The following IP6K3 variants were observed in gnomAD, a reference collection of about 807,000 sequenced individuals.
IP6K3 encodes the protein ATP:1D-myo-inositol-hexakisphosphate phosphotransferase.
A neutral mutation model predicts 28.8 loss-of-function variants in IP6K3; 20 were observed. The observed-to-expected ratio is 0.70, with a 90% confidence interval of 0.49 to 1.01. The LOEUF (loss-of-function observed/expected upper bound fraction) is 1.01. Ranked by LOEUF, IP6K3 falls within the 50% of genes least tolerant of loss-of-function variation. IP6K3 has a pLI of 0.00. For missense variants in IP6K3, 480 were observed against 537.1 expected (o/e 0.89, Z 1.05); for synonymous variants, 213 against 221.3 (o/e 0.96, Z 0.33).
At position 33,744,152 on chromosome 6, in the gene IP6K3, T is replaced by G. The variant is rs1766825624; in HGVS notation, c.-180+2606A>C. On this transcript the variant is annotated intron_variant, in intron 1 of 5. Transcript: ENST00000293756. This position sits in a 1 kb window ranked among gnomAD's most constrained non-coding sequence, Gnocchi z 4.4. ...TCCTGACCCCTGGACACGCAGCTCC[T>G]CAGCCATGGTTAGCAACTGCTTTGA... Among the ~76,000 whole-genome samples, 1 of 152,204 alleles carries G rather than the reference T, an allele frequency of 6.6e-6. No homozygotes were observed. The highest frequency in any genetic ancestry group is 6.5e-5 in the Admixed American group (1 of 15,282).
At chr6:33,731,813 G>A (rs186792750) in intron 2 of IP6K3, among the ~76,000 whole-genome samples, 3 of 152,054 alleles carry the variant, frequency 2.0e-5, no homozygotes, top group South Asian at 4.2e-4. Context: ...GTGTGTCTGT[G>A]GGGACAAGGC....
intron 5 of IP6K3, among the ~76,000 whole-genome samples, chr6:33,725,057 A>G (rs953273302): frequency 6.6e-6 from 1 of 151,988 alleles, no homozygotes; most frequent in Admixed American, 6.6e-5. Flanking sequence ...GTGAAACCCC[A>G]TCTCTACTGA....
At chr6:33,737,326 G>C (rs763934512) in intron 1 of IP6K3, among the ~76,000 whole-genome samples, 1 of 152,034 alleles carries the variant, frequency 6.6e-6, no homozygotes, top group Non-Finnish European at 1.5e-5. Flanking sequence ...GCGGTGCCCT[G>C]AGAGCACATT....
At chr6:33,753,840 G>A in the IP6K3 span, among the ~76,000 whole-genome samples, 20 of 151,946 alleles carry the variant, frequency 1.3e-4, no homozygotes, top group South Asian at 4.2e-4. Context: ...ACAGAGTCTC[G>A]CTGTGTCGTG....
intron 2 of IP6K3, among the ~76,000 whole-genome samples, chr6:33,729,135 C>T (rs921312418): frequency 3.9e-5 from 6 of 152,216 alleles, no homozygotes; most frequent in African/African-American, 7.2e-5. Context: ...GGACATTGGT[C>T]GGGCTTGAGT....
intron 2 of IP6K3, among the ~76,000 whole-genome samples, chr6:33,734,509 G>A (rs907209756): frequency 6.6e-6 from 1 of 152,180 alleles, no homozygotes; most frequent in Non-Finnish European, 1.5e-5. Context: ...GGGGTCTACC[G>A]TCCTCTAAAG....
chr6:33,754,392 G>T, the IP6K3 span, among the ~76,000 whole-genome samples: 2 of 152,156 alleles, frequency 1.3e-5, no homozygotes, highest in African/African-American at 4.8e-5. Flanking sequence ...GGGCGGCCAC[G>T]CGTGTTATTT....
intron 2 of IP6K3, among the ~76,000 whole-genome samples, chr6:33,730,438 C>T (rs1426571349): frequency 6.6e-6 from 1 of 152,222 alleles, no homozygotes; most frequent in Non-Finnish European, 1.5e-5. Flanking sequence ...CTCACACCAT[C>T]CCAGGCTCCC....
intron 2 of IP6K3, among the ~76,000 whole-genome samples, chr6:33,730,582 C>T (rs1381637703): frequency 2.0e-5 from 3 of 152,186 alleles, no homozygotes; most frequent in Admixed American, 6.5e-5. Flanking sequence ...CAGGGGCTGA[C>T]GGCAGGTTGA....
intron 1 of IP6K3, chr6:33,739,265 T>TG (rs1239436231): frequency 6.6e-6 from 1 of 150,448 alleles, no homozygotes; most frequent in Non-Finnish European, 1.5e-5. Flanking sequence ...AGCCAGCCTG[T>TG]GAAAAAAAAA....
chr6:33,754,925 A>G, the IP6K3 span, among the ~76,000 whole-genome samples: 2 of 152,352 alleles, frequency 1.3e-5, no homozygotes, highest in East Asian at 3.9e-4. Flanking sequence ...GGAAAGTGCC[A>G]TTATTATCCC....
chr6:33,740,401 G>C (rs1304136510), intron 1 of IP6K3, among the ~76,000 whole-genome samples: 1 of 152,226 alleles, frequency 6.6e-6, no homozygotes, highest in Non-Finnish European at 1.5e-5. Flanking sequence ...AATTTCTGCT[G>C]ATGGGGCGCA....
intron 2 of IP6K3, among the ~76,000 whole-genome samples, chr6:33,731,804 T>C (rs1298157134): frequency 1.3e-5 from 2 of 152,062 alleles, no homozygotes; most frequent in African/African-American, 4.8e-5. Context: ...GCTTGCCCTG[T>C]GTGTCTGTGG....
chr6:33,723,928 C>A (rs1766003876), intron 5 of IP6K3, among the ~76,000 whole-genome samples: 1 of 152,170 alleles, frequency 6.6e-6, no homozygotes, highest in Non-Finnish European at 1.5e-5. Context: ...GTGGCAGCAA[C>A]CCCCATTTCA....
chr6:33,732,383 A>G (rs1325451410), intron 2 of IP6K3, among the ~76,000 whole-genome samples: 2 of 152,192 alleles, frequency 1.3e-5, no homozygotes, highest in African/African-American at 2.4e-5. Flanking sequence ...GGCTGTTCCT[A>G]TAGGGGAGAA....
chr6:33,761,276 C>G, the IP6K3 span, among the ~76,000 whole-genome samples: 18 of 152,204 alleles, frequency 1.2e-4, no homozygotes, highest in East Asian at 1.7e-3. Context: ...GCCCACCTGC[C>G]AGGGACCCAT....
intron 4 of IP6K3, 95 bp from the exon 5 acceptor site, chr6:33,725,711 C>G (rs1766087732): frequency 1.8e-6 from 2 of 1,114,578 alleles, no homozygotes; most frequent in South Asian, 3.1e-5. Flanking sequence ...TGGAAATTCC[C>G]TATTCTGGGC....
At chr6:33,759,680 G>A in the IP6K3 span, among the ~76,000 whole-genome samples, 1 of 152,132 alleles carries the variant, frequency 6.6e-6, no homozygotes, top group Admixed American at 6.5e-5. Flanking sequence ...TGGTTAACAC[G>A]GTGAAACCCC....
chr6:33,734,669 G>A (rs1766445065), intron 2 of IP6K3, among the ~76,000 whole-genome samples: 1 of 152,198 alleles, frequency 6.6e-6, no homozygotes, highest in Non-Finnish European at 1.5e-5. Flanking sequence ...CCAGCAGGCA[G>A]CACCCTCCCC....
Sources: gnomAD v4.1 joint callset for allele counts (sites outside exome capture counted in the v4.1 genomes callset) on GRCh38, gnomAD v4.1.1 for gene constraint, Gnocchi (gnomAD v3.1) non-coding constraint, MANE v1.5 for transcripts, NCBI Gene and HGNC (gene_info 2026-07-23, HGNC 2026-07-21) for gene names.